The following NLGN4X variants were observed in gnomAD, a reference collection of about 807,000 sequenced individuals.
NLGN4X encodes neuroligin 4 X-linked.
Under a neutral mutation model 40.3 loss-of-function variants are expected in NLGN4X, and 3 were observed. The ratio of observed to expected loss-of-function variants is 0.07; its 90% CI spans 0.03 to 0.19. NLGN4X has a LOEUF of 0.19. Ranked by LOEUF, NLGN4X falls within the 10% of genes least tolerant of loss-of-function variation. The pLI is 1.00. For synonymous variants in NLGN4X, 270 were observed against 306.8 expected (o/e 0.88, Z 1.25); for missense variants, 382 against 708.3 (o/e 0.54, Z 5.23).
At chrX:6,029,568 G>A (rs2036800553) in intron 2 of NLGN4X, 136 bp from the exon 3 acceptor site, 1 of 606,984 alleles carries the variant, frequency 1.6e-6, no homozygotes, top group African/African-American at 2.3e-5. Flanking sequence ...TGGATGATAT[G>A]ACCCTTGATA....
At chrX:5,959,585 A>G (rs1440369606) in intron 3 of NLGN4X, among the ~76,000 whole-genome samples, 2 of 111,442 alleles carry the variant, frequency 1.8e-5, no homozygotes, top group African/African-American at 6.5e-5. Context: ...GAATGTGGAC[A>G]TAAGGTTAAA....
chrX:6,103,377 C>T (rs1220532103), intron 2 of NLGN4X, among the ~76,000 whole-genome samples: 2 of 111,728 alleles, frequency 1.8e-5, no homozygotes, highest in East Asian at 5.6e-4. Context: ...GGGATGGATT[C>T]CAACTTCTCT....
intron 1 of NLGN4X, among the ~76,000 whole-genome samples, chrX:6,159,238 A>G (rs912949849): frequency 3.6e-5 from 4 of 111,649 alleles, no homozygotes; most frequent in Non-Finnish European, 1.9e-5. Context: ...GGGGGATTAG[A>G]TTTCACTGAA....
At chrX:6,108,191 G>T (rs2039072627) in intron 2 of NLGN4X, among the ~76,000 whole-genome samples, 1 of 112,155 alleles carries the variant, frequency 8.9e-6, no homozygotes, top group Non-Finnish European at 1.9e-5. Flanking sequence ...ATTGGCTTTT[G>T]AATGTGACAG....
At chrX:6,032,897 T>C (rs1161891087) in intron 2 of NLGN4X, 2 of 337,086 alleles carry the variant, frequency 5.9e-6, no homozygotes, top group Non-Finnish European at 1.0e-5. Context: ...TTTGTTACAT[T>C]TGGATTTCAA....
chrX:5,926,066 A>G (rs1377458308), intron 3 of NLGN4X, among the ~76,000 whole-genome samples: 1 of 103,687 alleles, frequency 9.6e-6, no homozygotes, highest in Non-Finnish European at 2.0e-5. Context: ...AACCAGGTGG[A>G]GATAATTGAA....
intron 2 of NLGN4X, among the ~76,000 whole-genome samples, chrX:6,105,753 T>C (rs2039018551): frequency 1.8e-5 from 2 of 112,095 alleles, no homozygotes; most frequent in South Asian, 7.5e-4. Flanking sequence ...GAAGCCACTT[T>C]TCTTGATTTG....
intron 3 of NLGN4X, among the ~76,000 whole-genome samples, chrX:5,990,689 G>C (rs914446227): frequency 5.4e-5 from 6 of 111,573 alleles, no homozygotes; most frequent in African/African-American, 2.0e-4. Context: ...AGACAGTGGG[G>C]ATAAAGACAG....
chrX:5,963,420 G>T (rs1190796174), intron 3 of NLGN4X, among the ~76,000 whole-genome samples: 1 of 111,963 alleles, frequency 8.9e-6, no homozygotes, highest in Admixed American at 9.5e-5. Flanking sequence ...AGTAGATTTA[G>T]CTGAAGCTAT....
At chrX:5,938,782 A>G (rs1017732763) in intron 3 of NLGN4X, among the ~76,000 whole-genome samples, 14 of 111,657 alleles carry the variant, frequency 1.3e-4, no homozygotes, top group Admixed American at 7.6e-4. Context: ...ACACAAGGAG[A>G]AGGGAAAACT....
chrX:5,931,497 G>T (rs1199512555), intron 3 of NLGN4X, among the ~76,000 whole-genome samples: 2 of 111,972 alleles, frequency 1.8e-5, no homozygotes, highest in African/African-American at 6.5e-5. Flanking sequence ...TGGGAATGAA[G>T]GAAGCTATCA....
At chrX:6,198,920 A>C (rs779956060) in intron 1 of NLGN4X, among the ~76,000 whole-genome samples, 6 of 112,094 alleles carry the variant, frequency 5.4e-5, no homozygotes, top group Non-Finnish European at 9.4e-5. Context: ...ACCTGAGGAT[A>C]TCTCAGAGGG....
intron 2 of NLGN4X, among the ~76,000 whole-genome samples, chrX:6,080,578 T>G (rs1286391174): frequency 1.8e-5 from 2 of 111,627 alleles, no homozygotes; most frequent in African/African-American, 6.5e-5. Context: ...TTACTATCAC[T>G]ACCTAATAAG....
chrX:5,995,427 T>C (rs2035793386), intron 3 of NLGN4X, among the ~76,000 whole-genome samples: 1 of 112,586 alleles, frequency 8.9e-6, no homozygotes, highest in Non-Finnish European at 1.9e-5. Flanking sequence ...AACGAAGCCA[T>C]ATGACTAATG....
intron 3 of NLGN4X, among the ~76,000 whole-genome samples, chrX:5,997,615 C>CATAT (rs34376573): frequency 2.4e-5 from 1 of 41,289 alleles, no homozygotes. Flanking sequence ...TATATATACA[C>CATAT]ATATATATAT....
chrX:5,988,049 C>T (rs968660059), intron 3 of NLGN4X, among the ~76,000 whole-genome samples: 3 of 111,995 alleles, frequency 2.7e-5, no homozygotes, highest in African/African-American at 9.7e-5. Flanking sequence ...TGCACTCCAG[C>T]CTGCAATAGA....
At chrX:6,220,513 T>A (rs1455393572) in intron 1 of NLGN4X, among the ~76,000 whole-genome samples, 2 of 106,711 alleles carry the variant, frequency 1.9e-5, no homozygotes, top group Non-Finnish European at 3.8e-5. Context: ...GAGGGTAGAA[T>A]TTTGTCACAC....
intron 3 of NLGN4X, among the ~76,000 whole-genome samples, chrX:5,954,460 C>A (rs1157416768): frequency 2.0e-5 from 2 of 101,050 alleles, no homozygotes; most frequent in Non-Finnish European, 4.0e-5. Flanking sequence ...GTCTCAAAGT[C>A]CTGGGCTCAA....
chrX:6,197,364 C>T (rs1339144334), intron 1 of NLGN4X, among the ~76,000 whole-genome samples: 2 of 107,987 alleles, frequency 1.9e-5, no homozygotes, highest in Non-Finnish European at 3.9e-5. Context: ...CAGGCTCAAG[C>T]AATCCTCTCA....
Sources: allele counts gnomAD v4.1 joint callset (sites outside exome capture counted in the v4.1 genomes callset), GRCh38; gene constraint gnomAD v4.1.1; transcripts MANE v1.5; gene names NCBI Gene and HGNC (gene_info 2026-07-23, HGNC 2026-07-21).